Variants in TMEFF2 observed in about 807,000 individuals in gnomAD.
TMEFF2 encodes tomoregulin-2.
In TMEFF2, 28 loss-of-function variants were observed where a neutral mutation model predicts 53.8. The ratio of observed to expected loss-of-function variants is 0.52; its 90% CI spans 0.39 to 0.71. The LOEUF is 0.71. TMEFF2 is among the 30% of genes least tolerant of loss of function. TMEFF2 has a pLI of 0.00. For missense variants in TMEFF2, 353 were observed against 455.2 expected (o/e 0.78, Z 2.04); for synonymous variants, 162 against 166.3 (o/e 0.97, Z 0.20).
intron 5 of TMEFF2, among the ~76,000 whole-genome samples, chr2:192,005,613 C>T (rs1686481843): frequency 6.6e-6 from 1 of 152,234 alleles, no homozygotes; most frequent in South Asian, 2.1e-4. Flanking sequence ...GTGAGGCTGG[C>T]TTTCTGGTTG....
intron 4 of TMEFF2, among the ~76,000 whole-genome samples, chr2:192,158,905 C>T (rs1017991018): frequency 3.3e-5 from 5 of 152,014 alleles, no homozygotes; most frequent in Non-Finnish European, 7.4e-5. Flanking sequence ...TAACTCATGT[C>T]CCAACTCCTT....
At chr2:192,023,858 T>C (rs1686912754) in intron 5 of TMEFF2, among the ~76,000 whole-genome samples, 1 of 152,126 alleles carries the variant, frequency 6.6e-6, no homozygotes, top group Non-Finnish European at 1.5e-5. Context: ...ACTATACTCA[T>C]TGGATGAAGG....
At chr2:191,973,757 G>A (rs1055201183) in intron 7 of TMEFF2, among the ~76,000 whole-genome samples, 7 of 152,138 alleles carry the variant, frequency 4.6e-5, no homozygotes, top group African/African-American at 7.2e-5. Flanking sequence ...GGAGGGATCC[G>A]GTGGGAGGTA....
At chr2:191,990,400 T>A (rs1686074229) in intron 7 of TMEFF2, among the ~76,000 whole-genome samples, 1 of 110,034 alleles carries the variant, frequency 9.1e-6, no homozygotes. Flanking sequence ...AAGCAGCAAA[T>A]CAAAGTGCTC....
At chr2:192,066,036 T>G (rs558821224) in intron 4 of TMEFF2, among the ~76,000 whole-genome samples, 24 of 151,860 alleles carry the variant, frequency 1.6e-4, no homozygotes, top group Admixed American at 1.2e-3. Context: ...TCATATTTTC[T>G]TTAACATTTT....
chr2:192,075,332 T>TATAAATATATATATATATATATATAC (rs796267672), intron 4 of TMEFF2, among the ~76,000 whole-genome samples: 1 of 88,142 alleles, frequency 1.1e-5, no homozygotes, highest in South Asian at 4.3e-4. Flanking sequence ...TATATATATA[T>TATAAATATATATATATATATATATAC]ACATACATAC....
chr2:192,068,693 G>C (rs1484965594), intron 4 of TMEFF2, among the ~76,000 whole-genome samples: 1 of 151,736 alleles, frequency 6.6e-6, no homozygotes, highest in Admixed American at 6.6e-5. Context: ...TTTAGTACTT[G>C]CCTACTATGG....
At chr2:192,078,327 G>A in intron 4 of TMEFF2, among the ~76,000 whole-genome samples, 1 of 152,058 alleles carries the variant, frequency 6.6e-6, no homozygotes, top group East Asian at 1.9e-4. Flanking sequence ...GTCAATAAAT[G>A]GTAGACTTTC....
chr2:192,075,876 G>A (rs1688420383), intron 4 of TMEFF2, among the ~76,000 whole-genome samples: 1 of 151,902 alleles, frequency 6.6e-6, no homozygotes, highest in African/African-American at 2.4e-5. Context: ...TCATACTGTG[G>A]ACTTTGTATT....
At chr2:192,172,543 T>G (rs746971011) in intron 4 of TMEFF2, among the ~76,000 whole-genome samples, 2 of 151,948 alleles carry the variant, frequency 1.3e-5, no homozygotes, top group Non-Finnish European at 2.9e-5. Flanking sequence ...ATCCTATATA[T>G]ATTTTTAGCA....
At chr2:192,157,567 T>C (rs919478082) in intron 4 of TMEFF2, among the ~76,000 whole-genome samples, 1 of 152,140 alleles carries the variant, frequency 6.6e-6, no homozygotes, top group Admixed American at 6.6e-5. Context: ...ATATATCATA[T>C]GTCAAGAAGT....
chr2:192,081,412 C>G (rs1688549659), intron 4 of TMEFF2, among the ~76,000 whole-genome samples: 1 of 152,142 alleles, frequency 6.6e-6, no homozygotes, highest in Admixed American at 6.5e-5. Context: ...AATTTCTTTC[C>G]AGCCTTATTA....
chr2:192,189,555 C>CAAAAAAAAAAAA lies in TMEFF2; in HGVS notation c.282+2313_282+2324dup, dbSNP rs58455898. Among the ~76,000 whole-genome samples, 84 of 41,076 alleles carry CAAAAAAAAAAAA rather than the reference C, an allele frequency of 2.0e-3. 2 individuals are homozygous for CAAAAAAAAAAAA. Among genetic ancestry groups the CAAAAAAAAAAAA allele is most frequent in the African/African-American group, 5.9e-3 (70 of 11,954 alleles). The allele number at this position is 41,076 out of a possible 152,430, so 26.9% of individuals were successfully genotyped here. ...GCAAGACCCTTGTCTCCAAAAATTC[C>CAAAAAAAAAAAA]AAAAAAAAAAAAAGGAATGCACGCT... On this transcript the variant is annotated intron_variant, in intron 2 of 9. Coordinates refer to ENST00000272771, the MANE Select transcript of TMEFF2 (RefSeq NM_016192.4).
chr2:192,162,645 TC>T (rs1466080212), intron 4 of TMEFF2, among the ~76,000 whole-genome samples: 1 of 152,076 alleles, frequency 6.6e-6, no homozygotes. Flanking sequence ...TACTCCCACT[TC>T]ATGAATACAG....
At chr2:192,085,325 G>C (rs2105929193) in intron 4 of TMEFF2, among the ~76,000 whole-genome samples, 1 of 152,174 alleles carries the variant, frequency 6.6e-6, no homozygotes, top group East Asian at 1.9e-4. Context: ...AATTGAGATG[G>C]AATGCTGGGG....
intron 8 of TMEFF2, among the ~76,000 whole-genome samples, chr2:191,954,503 AT>A (rs1214934141): frequency 6.6e-6 from 1 of 152,164 alleles, no homozygotes; most frequent in Non-Finnish European, 1.5e-5. Flanking sequence ...TTGCTCTTTA[AT>A]CAACCTAAGT....
At chr2:191,957,268 A>G (rs559587821) in intron 7 of TMEFF2, among the ~76,000 whole-genome samples, 1 of 152,290 alleles carries the variant, frequency 6.6e-6, no homozygotes, top group East Asian at 1.9e-4. Context: ...ATTTTATGAT[A>G]AAACTTTTGA....
chr2:192,034,107 G>A (rs1051856983), intron 5 of TMEFF2, among the ~76,000 whole-genome samples: 3 of 150,902 alleles, frequency 2.0e-5, no homozygotes, highest in Admixed American at 6.6e-5. Flanking sequence ...CCCGGGAGGC[G>A]GAGCTTGCAG....
chr2:192,118,642 T>C (rs1301248073), intron 4 of TMEFF2, among the ~76,000 whole-genome samples: 2 of 152,182 alleles, frequency 1.3e-5, no homozygotes, highest in Non-Finnish European at 2.9e-5. Context: ...AAGGCAGTTT[T>C]CAGCTTTTAA....
Sources: gnomAD v4.1 joint callset for allele counts (sites outside exome capture counted in the v4.1 genomes callset) on GRCh38, gnomAD v4.1.1 for gene constraint, MANE v1.5 for transcripts, NCBI Gene and HGNC (gene_info 2026-07-23, HGNC 2026-07-21) for gene names.